The following ASB18 variants were observed in gnomAD, a reference collection of about 807,000 sequenced individuals.
ASB18 encodes ankyrin repeat and SOCS box containing 18.
Under a neutral mutation model 33.4 loss-of-function variants are expected in ASB18, and 33 were observed. The ratio of observed to expected loss-of-function variants is 0.99; its 90% CI spans 0.75 to 1.32. The LOEUF (loss-of-function observed/expected upper bound fraction) is 1.32. ASB18 is among the 40% of genes most tolerant of loss of function. ASB18 has a pLI of 0.00. For synonymous variants in ASB18, 295 were observed against 307.6 expected (o/e 0.96, Z 0.43); for missense variants, 694 against 655.5 (o/e 1.06, Z -0.64).
rs370762621 is a variant in ASB18, at chr2:236,237,932, C to A, written c.353G>T (p.Arg118Leu). 3.3e-6 allele frequency: 5 copies of A among 1,504,860 alleles called. No individual in the cohort carries two copies. Among genetic ancestry groups the A allele is most frequent in the Non-Finnish European group, 8.8e-7 (1 of 1,133,114 alleles). The allele number at this position is 1,504,860 out of a possible 1,614,324, so 93.2% of individuals were successfully genotyped here. A position where few individuals can be genotyped will look rare whatever the true frequency, so the allele number is the denominator to read the frequency against. ...GATGCACAGGGGCGTGGTGAGCTCA[C>A]GCTTGTACTCCAGGGTCCAGAGGCC... ...LSGLWTLEYK[R>L]ELTTPLCIAA... Residue 118 changes from arginine to leucine, a missense_variant, in exon 3 of 6, where the codon CGT becomes CTT. Coordinates refer to ENST00000409749, the MANE Select transcript of ASB18 (RefSeq NM_212556.4). The surrounding 1 kb of genome is among the most constrained non-coding windows in gnomAD (Gnocchi z 6.2).
intron 4 of ASB18, among the ~76,000 whole-genome samples, chr2:236,199,557 G>A (rs2060389395): frequency 6.7e-6 from 1 of 149,842 alleles, no homozygotes; most frequent in Admixed American, 6.7e-5. Context: ...ATATCAGAGA[G>A]GGATATATAT....
At position 236,250,010 on chromosome 2, in the gene ASB18, A is replaced by G. The variant is rs1311339637; in HGVS notation, c.206-8608T>C. 1.3e-5 allele frequency: 2 copies of G among 152,206 alleles called. No individual in the cohort carries two copies. Among genetic ancestry groups the G allele is most frequent in the Non-Finnish European group, 2.9e-5 (2 of 68,034 alleles). The allele number at this position is 152,206 out of a possible 1,614,324, so 9.4% of individuals were successfully genotyped here. ...GAGACACAAACATGAGTTCTTTATA[A>G]TTGAGTCCTATAGTGTAGGTAGCTA... On this transcript the variant is annotated intron_variant, in intron 1 of 5. Coordinates refer to ENST00000409749, the MANE Select transcript of ASB18 (RefSeq NM_212556.4). This position sits in a 1 kb window ranked among gnomAD's most constrained non-coding sequence, Gnocchi z 4.1.
In ASB18 at chr2:236,217,408, G is replaced by T; in HGVS notation, c.597-2542C>A. Among the ~76,000 whole-genome samples, 1 of 107,096 alleles carries T rather than the reference G, an allele frequency of 9.3e-6. No individual in the cohort carries two copies. The highest frequency in any genetic ancestry group is 6.9e-5 in the African/African-American group (1 of 14,588). 70.3% of individuals were successfully genotyped at this position (107,096 alleles called of 152,430 possible). A position where few individuals can be genotyped will look rare whatever the true frequency, so the allele number is the denominator to read the frequency against. On this transcript the variant is annotated intron_variant, in intron 3 of 5. Coordinates refer to ENST00000409749, the MANE Select transcript of ASB18 (RefSeq NM_212556.4). The surrounding 1 kb of genome is among the most constrained non-coding windows in gnomAD (Gnocchi z 5.2). The stretch of plus-strand genomic sequence containing the variant: ...CCTGGGGGCAACAGAGCGAGACTCT[G>T]TCTCAAAAAAAAAAAAAAATAAATC...
rs888119390 is a variant in ASB18, at chr2:236,214,766, C to T, written c.697G>A (p.Glu233Lys). The change falls in exon 4 of 6, where the codon GAG (glutamate) becomes AAG (lysine). Residue 233 changes from glutamate (E) to lysine (K), a missense_variant. Coordinates refer to ENST00000409749, the MANE Select transcript of ASB18 (RefSeq NM_212556.4). This position sits in a 1 kb window ranked among gnomAD's most constrained non-coding sequence, Gnocchi z 6.5. ...LHVAAQRGLD[E>K]HARLYLGRGA... ...CGGCCCAGGTACAGGCGCGCGTGCT[C>T]GTCCAGGCCGCGCTGCGCCGCCACG... The T allele has an allele frequency of 4.2e-5, 50 of 1,187,452 alleles. No individual in the cohort carries two copies. Among genetic ancestry groups the T allele is most frequent in the Admixed American group, 2.8e-4 (6 of 21,758 alleles). The allele number at this position is 1,187,452 out of a possible 1,614,324, so 73.6% of individuals were successfully genotyped here. A position where few individuals can be genotyped will look rare whatever the true frequency, so the allele number is the denominator to read the frequency against.
chr2:236,218,012 A>ATTT (rs1426502312), intron 3 of ASB18, among the ~76,000 whole-genome samples: 1 of 151,986 alleles, frequency 6.6e-6, no homozygotes, highest in African/African-American at 2.4e-5. Context: ...TAAAGAAAAA[A>ATTT]TTTTTTTAAG....
At position 236,223,083 on chromosome 2, in the gene ASB18, G is replaced by A. The variant is rs1039680027; in HGVS notation, c.597-8217C>T. Among the ~76,000 whole-genome samples, 9 of 152,176 alleles carry A rather than the reference G, an allele frequency of 5.9e-5. No individual in the cohort carries two copies. The highest frequency in any genetic ancestry group is 1.9e-4 in the African/African-American group (8 of 41,442). On this transcript the variant is annotated intron_variant, in intron 3 of 5. Transcript: ENST00000409749. This position sits in a 1 kb window ranked among gnomAD's most constrained non-coding sequence, Gnocchi z 4.6. ...CTTTCACTGTGTGGTGTGCCTGCTT[G>A]CTGTTTGCCTTCTGCCATGAGTAAA... is the stretch of plus-strand genomic sequence containing the variant.
chr2:236,241,160 T>C lies in ASB18; in HGVS notation c.328+120A>G. 1.0e-6 allele frequency: 1 copy of C among 999,000 alleles called. No homozygotes were observed. Among genetic ancestry groups the C allele is most frequent in the Non-Finnish European group, 1.5e-6 (1 of 658,278 alleles). The allele number at this position is 999,000 out of a possible 1,614,324, so 61.9% of individuals were successfully genotyped here. On this transcript the variant is annotated intron_variant, in intron 2 of 5. Coordinates refer to ENST00000409749, the MANE Select transcript of ASB18 (RefSeq NM_212556.4). The surrounding 1 kb of genome is among the most constrained non-coding windows in gnomAD (Gnocchi z 4.2). The stretch of plus-strand genomic sequence containing the variant: ...CGAGCAAACTTCATCAGATGTCCTT[T>C]TCTTGTGTACGTTAAACCCAGTGCC...
rs1217346447 is a variant in ASB18, at chr2:236,237,362, GGGGGCC to G, written c.596+321_596+326del. 9.2e-5 allele frequency among the ~76,000 whole-genome samples: 9 copies of G among 97,592 alleles called. 1 individual carries two copies. The highest frequency in any genetic ancestry group is 3.3e-4 in the South Asian group (1 of 2,994). The allele number at this position is 97,592 out of a possible 152,430, so 64.0% of individuals were successfully genotyped here. ...GGGGGCCGGGGCCGGGGCGCGGGGC[GGGGGCC>G]GGGGCCGGGGCGCGGGGCGGGGGCC... On this transcript the variant is annotated intron_variant, in intron 3 of 5. Coordinates refer to ENST00000409749, the MANE Select transcript of ASB18 (RefSeq NM_212556.4). The surrounding 1 kb of genome is among the most constrained non-coding windows in gnomAD (Gnocchi z 6.2).
chr2:236,226,057 G>A lies in ASB18; in HGVS notation c.597-11191C>T, dbSNP rs532089637. Among the ~76,000 whole-genome samples the A allele has an allele frequency of 8.0e-4, 122 of 152,336 alleles. No homozygotes were observed. The highest frequency in any genetic ancestry group is 2.6e-3 in the African/African-American group (110 of 41,586). ...GAGAAAGTAGCTCTTTCTTGTCAAA[G>A]TGATAATGTTTATACTACCTGAAGC... On this transcript the variant is annotated intron_variant, in intron 3 of 5. Coordinates refer to ENST00000409749, the MANE Select transcript of ASB18 (RefSeq NM_212556.4). The surrounding 1 kb of genome is among the most constrained non-coding windows in gnomAD (Gnocchi z 4.8).
chr2:236,214,192 T>C lies in ASB18; in HGVS notation c.1101+170A>G. Reference sequence around the variant, plus strand: ...GCCACACCCGGGAGCTTGTTGGCAATGCAGGCTCTCCCACCCCAGACCGGC... The same window carrying C: ...GCCACACCCGGGAGCTTGTTGGCAACGCAGGCTCTCCCACCCCAGACCGGC... On this transcript the variant is annotated intron_variant, in intron 4 of 5. Transcript: ENST00000409749. This position sits in a 1 kb window ranked among gnomAD's most constrained non-coding sequence, Gnocchi z 6.5. The C allele has an allele frequency of 1.4e-6, 1 of 700,920 alleles. No homozygotes were observed. The highest frequency in any genetic ancestry group is 2.3e-6 in the Non-Finnish European group (1 of 443,108). The allele number at this position is 700,920 out of a possible 1,614,324, so 43.4% of individuals were successfully genotyped here.
Position 236,237,293 on chromosome 2 carries a change from G to T in ASB18, c.596+396C>A, listed in dbSNP as rs1411452555. 6.6e-6 allele frequency among the ~76,000 whole-genome samples: 1 copy of T among 151,514 alleles called. No homozygotes were observed. Among genetic ancestry groups the T allele is most frequent in the African/African-American group, 2.4e-5 (1 of 41,392 alleles). ...TCACCGCGCTCATTACCTCGGCGTG[G>T]CGCCTCCCGCGCGCGCTCGCAATCA... On this transcript the variant is annotated intron_variant, in intron 3 of 5. Transcript: ENST00000409749. This position sits in a 1 kb window ranked among gnomAD's most constrained non-coding sequence, Gnocchi z 6.2.
intron 3 of ASB18, among the ~76,000 whole-genome samples, chr2:236,230,275 C>T (rs929888392): frequency 1.3e-5 from 2 of 151,144 alleles, no homozygotes; most frequent in Non-Finnish European, 2.9e-5. Context: ...TTCAAATACT[C>T]AGGTGAAATA....
In ASB18 at chr2:236,226,730, T is replaced by A. The variant is rs1438530495; in HGVS notation, c.596+10959A>T. 6.6e-6 allele frequency among the ~76,000 whole-genome samples: 1 copy of A among 152,232 alleles called. No homozygotes were observed. Among genetic ancestry groups the A allele is most frequent in the Non-Finnish European group, 1.5e-5 (1 of 68,030 alleles). ...GTGTTTATTTTGTGCTATGATTGGG[T>A]GCTGCATTCTGATTTCTTAGTAAGA... On this transcript the variant is annotated intron_variant, in intron 3 of 5. Coordinates refer to ENST00000409749, the MANE Select transcript of ASB18 (RefSeq NM_212556.4). This position sits in a 1 kb window ranked among gnomAD's most constrained non-coding sequence, Gnocchi z 4.8.
In ASB18 at chr2:236,194,434, ATC is replaced by A. The variant is rs1210971577; in HGVS notation, c.*436_*437del. ...TTGGTCTTTATTTAGAAGTGTGGTG[ATC>A]TTTTTGTGACCAGAAATATGCTGTA... On this transcript the variant is annotated 3_prime_UTR_variant, in exon 6 of 6. Transcript: ENST00000409749. This position sits in a 1 kb window ranked among gnomAD's most constrained non-coding sequence, Gnocchi z 4.5. Among the ~76,000 whole-genome samples, 1 of 152,128 alleles carries A rather than the reference ATC, an allele frequency of 6.6e-6. No homozygotes were observed. Among genetic ancestry groups the A allele is most frequent in the African/African-American group, 2.4e-5 (1 of 41,422 alleles).
rs2060467463 is a variant in ASB18 at position 236,213,274 on chromosome 2, G to A, written c.1101+1088C>T. Among the ~76,000 whole-genome samples the A allele has an allele frequency of 6.6e-6, 1 of 152,080 alleles. No individual in the cohort carries two copies. The highest frequency in any genetic ancestry group is 2.1e-4 in the South Asian group (1 of 4,786). On this transcript the variant is annotated intron_variant, in intron 4 of 5. Coordinates refer to ENST00000409749, the MANE Select transcript of ASB18 (RefSeq NM_212556.4). The surrounding 1 kb of genome is among the most constrained non-coding windows in gnomAD (Gnocchi z 4.8). ...GAGCAAACACTAGGGGAGTTGTCTC[G>A]GGGGATTTTCTAACCTTTCAGAGGC...
rs753716233 is a variant in ASB18 at position 236,195,618 on chromosome 2, C to T, written c.1216-561G>A. Among the ~76,000 whole-genome samples the T allele has an allele frequency of 1.3e-5, 2 of 152,018 alleles. No homozygotes were observed. The highest frequency in any genetic ancestry group is 4.8e-5 in the African/African-American group (2 of 41,446). ...GCACTCTCTGCCTCCTGGGCTCAAG[C>T]GATTCTCCTGCCTTAGCCTCCTGAG... is the stretch of plus-strand genomic sequence containing the variant. On this transcript the variant is annotated intron_variant, in intron 5 of 5. Coordinates refer to ENST00000409749, the MANE Select transcript of ASB18 (RefSeq NM_212556.4). This position sits in a 1 kb window ranked among gnomAD's most constrained non-coding sequence, Gnocchi z 5.5.
Position 236,229,313 on chromosome 2 carries a change from GAGA to G in ASB18, c.596+8373_596+8375del, listed in dbSNP as rs765088555. 2.0e-4 allele frequency among the ~76,000 whole-genome samples: 30 copies of G among 152,130 alleles called. No homozygotes were observed. Among genetic ancestry groups the G allele is most frequent in the Admixed American group, 1.0e-3 (16 of 15,266 alleles). ...TCATGGCAGATCAGGTATTTCAGAA[GAGA>G]AGATCAATCAATCAATCAGAGAGAG... On this transcript the variant is annotated intron_variant, in intron 3 of 5. Coordinates refer to ENST00000409749, the MANE Select transcript of ASB18 (RefSeq NM_212556.4). The surrounding 1 kb of genome is among the most constrained non-coding windows in gnomAD (Gnocchi z 5.2).
chr2:236,236,777 G>A (rs1198861366), intron 3 of ASB18, among the ~76,000 whole-genome samples: 2 of 124,736 alleles, frequency 1.6e-5, no homozygotes, highest in Non-Finnish European at 1.6e-5. Context: ...AGGGCGATGC[G>A]GTTTCTGAGA....
chr2:236,237,365 G>A lies in ASB18; in HGVS notation c.596+324C>T, dbSNP rs2060598023. Among the ~76,000 whole-genome samples, 1 of 104,358 alleles carries A rather than the reference G, an allele frequency of 9.6e-6. No individual in the cohort carries two copies. Among genetic ancestry groups the A allele is most frequent in the Non-Finnish European group, 1.7e-5 (1 of 57,470 alleles). 68.5% of individuals were successfully genotyped at this position (104,358 alleles called of 152,430 possible). ...GGCCGGGGCCGGGGCGCGGGGCGGGGGCCGGGGCCGGGGCGCGGGGCGGGG... is the reference window on the plus strand; with the variant it reads ...GGCCGGGGCCGGGGCGCGGGGCGGGAGCCGGGGCCGGGGCGCGGGGCGGGG... On this transcript the variant is annotated intron_variant, in intron 3 of 5. Transcript: ENST00000409749. The surrounding 1 kb of genome is among the most constrained non-coding windows in gnomAD (Gnocchi z 6.2).
Sources: gnomAD v4.1 joint callset for allele counts (sites outside exome capture counted in the v4.1 genomes callset) on GRCh38, gnomAD v4.1.1 for gene constraint, Gnocchi (gnomAD v3.1) non-coding constraint, MANE v1.5 for transcripts, NCBI Gene and HGNC (gene_info 2026-07-23, HGNC 2026-07-21) for gene names.